PDE9A: variants seen among roughly 807,000 people sequenced by gnomAD.
The protein encoded by PDE9A is phosphodiesterase 9A.
In PDE9A, 60 loss-of-function variants were observed where a neutral mutation model predicts 87.4. That is an observed-to-expected ratio of 0.69 (90% CI 0.56 to 0.85). The LOEUF is 0.85. Among genes scored for constraint, PDE9A ranks in the 40% least tolerant of loss-of-function variants. The probability of loss-of-function intolerance (pLI) is 0.00; values close to 1 mark genes in which losing one functional copy is unlikely to be tolerated. For synonymous variants in PDE9A, 272 were observed against 279.4 expected, an observed-to-expected ratio of 0.97 and a Z score of 0.27; for missense variants, 665 against 779.0, an observed-to-expected ratio of 0.85 and a Z score of 1.74.
At chr21:42,688,693 G>A (rs749668128) in intron 3 of PDE9A, among the ~76,000 whole-genome samples, 11 of 152,212 alleles carry the variant, frequency 7.2e-5, no homozygotes, top group Non-Finnish European at 1.3e-4. Flanking sequence ...GGGGCGGGGC[G>A]TGCGACCTCA....
chr21:42,728,914 C>T (rs553885320), intron 4 of PDE9A, among the ~76,000 whole-genome samples: 2 of 150,966 alleles, frequency 1.3e-5, no homozygotes, highest in South Asian at 4.2e-4. Context: ...GGCAGAGAAT[C>T]ACTTGAGCCC....
intron 4 of PDE9A, among the ~76,000 whole-genome samples, chr21:42,726,624 A>ATATATATATATATTTTTTTTTT: frequency 1.5e-4 from 3 of 19,778 alleles, no homozygotes; most frequent in Non-Finnish European, 2.2e-4. Flanking sequence ...ATATATATAT[A>ATATATATATATATTTTTTTTTT]TTTTTTTTTT....
chr21:42,666,788 A>T (rs1207334841), intron 1 of PDE9A, among the ~76,000 whole-genome samples: 2 of 152,172 alleles, frequency 1.3e-5, no homozygotes, highest in African/African-American at 4.8e-5. Flanking sequence ...ATGAATTTTG[A>T]CGGGACACAG....
intron 4 of PDE9A, among the ~76,000 whole-genome samples, chr21:42,716,878 G>A (rs2049982781): frequency 6.9e-6 from 1 of 145,336 alleles, no homozygotes; most frequent in Non-Finnish European, 1.5e-5. Flanking sequence ...AGCCTCCCGA[G>A]TAGCTGGGAT....
intron 9 of PDE9A, among the ~76,000 whole-genome samples, chr21:42,752,921 G>C (rs936533385): frequency 2.0e-5 from 3 of 152,342 alleles, no homozygotes. Context: ...ATGGGTTCCA[G>C]ACAGGAGCAT....
chr21:42,768,883 TCTC>T lies in PDE9A; in HGVS notation c.1462-141_1462-139del, dbSNP rs777451482. 2,678 of 1,476,090 alleles carry T rather than the reference TCTC, an allele frequency of 1.8e-3. 8 individuals are homozygous for T. Among genetic ancestry groups the T allele is most frequent in the Non-Finnish European group, 2.3e-3 (2,549 of 1,113,480 alleles). The allele number at this position is 1,476,090 out of a possible 1,614,324, so 91.4% of individuals were successfully genotyped here. On this transcript the variant is annotated intron_variant, in intron 16 of 19. Coordinates refer to ENST00000291539, the MANE Select transcript of PDE9A (RefSeq NM_002606.3). ...TTTAGCACTGAAGATAGGGTCACCTTCTCCTTGTTCTTACTGAGACACATTTGT... is the reference window on the plus strand; with the variant it reads ...TTTAGCACTGAAGATAGGGTCACCTTCTTGTTCTTACTGAGACACATTTGT...
Position 42,688,276 on chromosome 21 carries a change from G to A in PDE9A, c.218+282G>A, listed in dbSNP as rs2059588475. On this transcript the variant is annotated intron_variant, in intron 3 of 19. Transcript: ENST00000291539. ...AGGGGAAACTGAGGCCCAGGAGGGT[G>A]AGCCAAGAGCTGCAGAGCCAGGCCC... 2.0e-5 allele frequency among the ~76,000 whole-genome samples: 3 copies of A among 152,100 alleles called. No individual in the cohort carries two copies. In the South Asian group the frequency reaches 6.2e-4, roughly 32 times the overall value.
At position 42,759,123 on chromosome 21, in the gene PDE9A, G is replaced by A. The variant is rs774636557; in HGVS notation, c.897+38G>A. On this transcript the variant is annotated intron_variant, in intron 11 of 19. Transcript: ENST00000291539. The surrounding 1 kb of genome is among the most constrained non-coding windows in gnomAD (Gnocchi z 7.2). ...CCCGCCTTCGGTTCTTCCTGGGCAC[G>A]TGGTTTCATCCAGTTCCACAGGAAT... 21 of 1,481,926 alleles carry A rather than the reference G, an allele frequency of 1.4e-5. No individual in the cohort carries two copies. Among genetic ancestry groups the A allele is most frequent in the East Asian group, 2.3e-5 (1 of 44,260 alleles). The allele number at this position is 1,481,926 out of a possible 1,614,324, so 91.8% of individuals were successfully genotyped here. A position where few individuals can be genotyped will look rare whatever the true frequency, so the allele number is the denominator to read the frequency against.
intron 4 of PDE9A, among the ~76,000 whole-genome samples, chr21:42,709,781 T>TCAGGTGATCC (rs1398991197): frequency 1.3e-5 from 2 of 152,140 alleles, no homozygotes; most frequent in African/African-American, 4.8e-5. Flanking sequence ...CCTCCTGGGC[T>TCAGGTGATCC]CAGGTGATCC....
chr21:42,765,886 C>T (rs942141648), intron 15 of PDE9A, among the ~76,000 whole-genome samples: 1 of 152,252 alleles, frequency 6.6e-6, no homozygotes, highest in African/African-American at 2.4e-5. Context: ...CTCCCCAAGC[C>T]AGCATCCCCC....
rs114936278 is a variant in PDE9A, at chr21:42,709,562, G to T, written c.262+10551G>T. Among the ~76,000 whole-genome samples the T allele has an allele frequency of 8.6e-3, 1,307 of 152,280 alleles. 12 individuals carry two copies. The highest frequency in any genetic ancestry group is 0.03 in the African/African-American group (1,256 of 41,544). ...AAAATGTCCCCGTACCCCCTTCAAG[G>T]CAGTCCTCACTGTGGAGTGCTCTGC... is the stretch of plus-strand genomic sequence containing the variant. On this transcript the variant is annotated intron_variant, in intron 4 of 19. Transcript: ENST00000291539.
chr21:42,674,225 T>G (rs567785779), intron 1 of PDE9A, among the ~76,000 whole-genome samples: 36 of 151,810 alleles, frequency 2.4e-4, no homozygotes, highest in African/African-American at 8.7e-4. Context: ...ACGACACCCT[T>G]CCTCATCACT....
intron 7 of PDE9A, among the ~76,000 whole-genome samples, chr21:42,736,939 A>G (rs773660690): frequency 1.3e-5 from 2 of 152,242 alleles, no homozygotes; most frequent in Non-Finnish European, 2.9e-5. Flanking sequence ...GCTGAGCCCC[A>G]GAGATTCTGA....
chr21:42,715,488 G>C (rs545225739), intron 4 of PDE9A, among the ~76,000 whole-genome samples: 2 of 147,656 alleles, frequency 1.4e-5, no homozygotes, highest in Non-Finnish European at 3.1e-5. Context: ...TTAGCCAGGC[G>C]TCATGGCGCA....
intron 1 of PDE9A, among the ~76,000 whole-genome samples, chr21:42,657,456 G>T (rs921056840): frequency 6.6e-6 from 1 of 152,232 alleles, no homozygotes; most frequent in Non-Finnish European, 1.5e-5. Flanking sequence ...GAGCTGAAGC[G>T]CTTCGTCTTT....
intron 1 of PDE9A, among the ~76,000 whole-genome samples, chr21:42,670,520 GCAAT>G (rs1407965995): frequency 7.1e-6 from 1 of 140,392 alleles, no homozygotes; most frequent in Non-Finnish European, 1.6e-5. Flanking sequence ...ACACACACAG[GCAAT>G]CACACATTCA....
rs895212185 is a variant in PDE9A, at chr21:42,702,489, G to T, written c.262+3478G>T. On this transcript the variant is annotated intron_variant, in intron 4 of 19. Transcript: ENST00000291539. This position sits in a 1 kb window ranked among gnomAD's most constrained non-coding sequence, Gnocchi z 4.9. ...TTGATTGATTTATCTCCTGGGTATG[G>T]GTCATATTTTTCTGATTCTCGTGAA... Among the ~76,000 whole-genome samples the T allele has an allele frequency of 6.6e-6, 1 of 152,012 alleles. No homozygotes were observed. The highest frequency in any genetic ancestry group is 1.5e-5 in the Non-Finnish European group (1 of 68,008).
intron 1 of PDE9A, among the ~76,000 whole-genome samples, chr21:42,670,281 A>T (rs2058388137): frequency 6.6e-6 from 1 of 150,562 alleles, no homozygotes; most frequent in Non-Finnish European, 1.5e-5. Context: ...TCACACATTC[A>T]CACATACACA....
Position 42,765,429 on chromosome 21 carries a change from A to G in PDE9A, c.1291A>G (p.Ile431Val), listed in dbSNP as rs1432559234. Residue 431 changes from isoleucine to valine, a missense_variant, in exon 15 of 20, where the codon ATT becomes GTT. Transcript: ENST00000291539. ...CACTGACATGGCAAGACATGCAGAA[A>G]TTATGGATTCTTTCAAAGAGAAAAT... Reference protein sequence around the residue: ...LATDMARHAEIMDSFKEKMEN... With the variant: ...LATDMARHAEVMDSFKEKMEN... The G allele has an allele frequency of 3.1e-6, 5 of 1,613,040 alleles. No homozygotes were observed. Among genetic ancestry groups the G allele is most frequent in the Non-Finnish European group, 4.2e-6 (5 of 1,179,110 alleles).
Sources: gnomAD v4.1 joint callset for allele counts (sites outside exome capture counted in the v4.1 genomes callset) on GRCh38, gnomAD v4.1.1 for gene constraint, Gnocchi (gnomAD v3.1) non-coding constraint, MANE v1.5 for transcripts, NCBI Gene and HGNC (gene_info 2026-07-23, HGNC 2026-07-21) for gene names.